The following ENY2 variants were observed in gnomAD, a reference collection of about 807,000 sequenced individuals.
ENY2 encodes ENY2 transcription and export complex 2 subunit.
In ENY2, 4 loss-of-function variants were observed where a neutral mutation model predicts 15.9. The observed-to-expected ratio is 0.25, with a 90% CI of 0.12 to 0.57. ENY2 has a LOEUF of 0.57. Ranked by LOEUF, ENY2 falls within the 20% of genes least tolerant of loss-of-function variation. The probability of loss-of-function intolerance (pLI) is 0.91; values close to 1 mark genes in which losing one functional copy is unlikely to be tolerated. For synonymous variants in ENY2, 48 were observed against 38.0 expected, an observed-to-expected ratio of 1.26 and a Z score of -0.97; for missense variants, 54 against 117.2, an observed-to-expected ratio of 0.46 and a Z score of 2.49.
chr8:109,342,164 CTTT>C (rs66571830), intron 4 of ENY2, among the ~76,000 whole-genome samples: 10 of 130,956 alleles, frequency 7.6e-5, no homozygotes, highest in Admixed American at 7.6e-5. Context: ...TAACCCCCCC[CTTT>C]TTTTTTTTTT....
intron 4 of ENY2, chr8:109,342,603 G>T: frequency 1.5e-6 from 1 of 645,402 alleles, no homozygotes; most frequent in East Asian, 3.0e-5. Flanking sequence ...GATCTCCCAG[G>T]CTTAAGTGAT....
chr8:109,334,949 G>GA (rs145337830), intron 1 of ENY2: 75 of 146,866 alleles, frequency 5.1e-4, no homozygotes, highest in South Asian at 1.1e-3. Flanking sequence ...TCTCAAAAAA[G>GA]AAAAAAAAAA....
chr8:109,344,367 C>T lies in ENY2; in HGVS notation c.*886C>T, dbSNP rs1196814575. On this transcript the variant is annotated 3_prime_UTR_variant, in exon 5 of 5. Coordinates refer to ENST00000521688, the MANE Select transcript of ENY2 (RefSeq NM_020189.6). Reference sequence around the variant, plus strand: ...GGGCTCCCTCCAGGGCCCTCTGCCTCACTAACTGGATATACTTTTCCTGAG... The same window carrying T: ...GGGCTCCCTCCAGGGCCCTCTGCCTTACTAACTGGATATACTTTTCCTGAG... The T allele has an allele frequency of 1.3e-5, 2 of 152,176 alleles. No homozygotes were observed. The highest frequency in any genetic ancestry group is 2.9e-5 in the Non-Finnish European group (2 of 68,036). The allele number at this position is 152,176 out of a possible 1,614,324, so 9.4% of individuals were successfully genotyped here. A position where few individuals can be genotyped will look rare whatever the true frequency, so the allele number is the denominator to read the frequency against.
chr8:109,342,703 C>T (rs1473593245), intron 4 of ENY2: 3 of 697,758 alleles, frequency 4.3e-6, no homozygotes, highest in Non-Finnish European at 7.8e-6. Flanking sequence ...CAGGTTTCGC[C>T]ATGTTGCCCA....
At chr8:109,340,797 T>C (rs1816094939) in intron 4 of ENY2, 1 of 427,466 alleles carries the variant, frequency 2.3e-6, no homozygotes, top group African/African-American at 2.0e-5. Context: ...GTTGATACAG[T>C]TGTTCAAGCA....
chr8:109,339,723 T>G (rs1586328254), intron 3 of ENY2: 1 of 209,996 alleles, frequency 4.8e-6, no homozygotes. Flanking sequence ...CTCTTTCCTG[T>G]CTTTAACAGT....
intron 4 of ENY2, 78 bp downstream of exon 4, chr8:109,340,641 C>G: frequency 1.3e-6 from 2 of 1,571,196 alleles, no homozygotes; most frequent in Non-Finnish European, 1.7e-6. Context: ...TTCAGATTTT[C>G]TTTCTGTTTT....
At position 109,345,519 on chromosome 8, in the gene ENY2, A is replaced by G. The variant is rs1026779703; in HGVS notation, c.*2038A>G. 6.6e-5 allele frequency: 10 copies of G among 152,172 alleles called. No homozygotes were observed. The highest frequency in any genetic ancestry group is 5.9e-4 in the Admixed American group (9 of 15,272). The allele number at this position is 152,172 out of a possible 1,614,324, so 9.4% of individuals were successfully genotyped here. Reference sequence around the variant, plus strand: ...ACACAATCACAAAACCTACCCAAACAAGTTTTTTGTTTCACTTCATCTCTT... The same window carrying G: ...ACACAATCACAAAACCTACCCAAACGAGTTTTTTGTTTCACTTCATCTCTT... On this transcript the variant is annotated 3_prime_UTR_variant, in exon 5 of 5. Coordinates refer to ENST00000521688, the MANE Select transcript of ENY2 (RefSeq NM_020189.6).
intron 2 of ENY2, 154 bp downstream of exon 2, chr8:109,336,358 TTTG>T: frequency 1.4e-6 from 1 of 700,160 alleles, no homozygotes; most frequent in South Asian, 2.0e-5. Context: ...ATAATTTAGG[TTTG>T]TTAAGTATTG....
chr8:109,338,425 C>A (rs1240619058), intron 2 of ENY2: 1 of 152,106 alleles, frequency 6.6e-6, no homozygotes, highest in Non-Finnish European at 1.5e-5. Context: ...AGAAGAAGAA[C>A]AAACAGGATG....
intron 2 of ENY2, among the ~76,000 whole-genome samples, chr8:109,338,069 C>G (rs1267085237): frequency 2.0e-5 from 3 of 151,982 alleles, no homozygotes; most frequent in Non-Finnish European, 4.4e-5. Context: ...GAAGGCAGAT[C>G]ATGAAGGATC....
At chr8:109,343,379 C>G (rs757362420) in intron 4 of ENY2, 26 bp from the exon 5 acceptor site, 37 of 1,585,260 alleles carry the variant, frequency 2.3e-5, no homozygotes, top group Non-Finnish European at 2.6e-6. Context: ...CCTTCTTACT[C>G]TTATTTTTTT....
chr8:109,336,249 A>T (rs1586325160), intron 2 of ENY2, 45 bp downstream of exon 2: 1 of 1,458,688 alleles, frequency 6.9e-7, no homozygotes, highest in South Asian at 1.2e-5. Context: ...ACCGCCTTTA[A>T]TAGTTAGCTT....
chr8:109,340,491 G>T lies in ENY2; in HGVS notation c.157G>T (p.Val53Leu), dbSNP rs767032513. The change falls in exon 4 of 5, where the codon GTA becomes TTA. Residue 53 changes from valine (V) to leucine (L), a missense_variant and splice_region_variant. Transcript: ENST00000521688. ...TTTGTTTTTTGCTTTTGCATAAGAG[G>T]TAATTAAAGAAAAAGGACTAGAACA... ...KDQLKAHCKE[V>L]IKEKGLEHVT... 1 of 1,612,586 alleles carries T rather than the reference G, an allele frequency of 6.2e-7. No individual in the cohort carries two copies. Among genetic ancestry groups the T allele is most frequent in the Non-Finnish European group, 8.5e-7 (1 of 1,178,968 alleles).
rs1816226316 is a variant in ENY2, at chr8:109,345,534, C to T, written c.*2053C>T. The T allele has an allele frequency of 6.6e-6, 1 of 152,142 alleles. No individual in the cohort carries two copies. Among genetic ancestry groups the T allele is most frequent in the Non-Finnish European group, 1.5e-5 (1 of 68,020 alleles). 9.4% of individuals were successfully genotyped at this position (152,142 alleles called of 1,614,324 possible). On this transcript the variant is annotated 3_prime_UTR_variant, in exon 5 of 5. Transcript: ENST00000521688. ...CTACCCAAACAAGTTTTTTGTTTCA[C>T]TTCATCTCTTATAAAACAATGTTCT... is the stretch of plus-strand genomic sequence containing the variant.
intron 1 of ENY2, 63 bp downstream of exon 1, chr8:109,334,537 A>G (rs1815909303): frequency 3.2e-6 from 5 of 1,571,400 alleles, no homozygotes; most frequent in Non-Finnish European, 4.3e-6. Context: ...CTTTCGATGT[A>G]CTGTCTTTCG....
chr8:109,337,730 C>A (rs923466122), intron 2 of ENY2, among the ~76,000 whole-genome samples: 1 of 152,078 alleles, frequency 6.6e-6, no homozygotes, highest in Non-Finnish European at 1.5e-5. Context: ...GGTGAAACCC[C>A]ATCTCTACTG....
intron 4 of ENY2, among the ~76,000 whole-genome samples, chr8:109,341,142 A>G (rs1275733453): frequency 6.6e-6 from 1 of 152,180 alleles, no homozygotes; most frequent in Non-Finnish European, 1.5e-5. Flanking sequence ...GATGATGTGT[A>G]GTAAATGTTG....
Position 109,340,510 on chromosome 8 carries a change from T to C in ENY2, c.176T>C (p.Leu59Pro), listed in dbSNP as rs1409619648. The change falls in exon 4 of 5, where the codon CTA (leucine) becomes CCA (proline). Residue 59 changes from leucine (L) to proline (P), a missense_variant. Coordinates refer to ENST00000521688, the MANE Select transcript of ENY2 (RefSeq NM_020189.6). ...TAAGAGGTAATTAAAGAAAAAGGAC[T>C]AGAACACGTTACTGTTGATGACTTG... Reference protein sequence around the residue: ...HCKEVIKEKGLEHVTVDDLVA... With the variant: ...HCKEVIKEKGPEHVTVDDLVA... 1 of 1,613,294 alleles carries C rather than the reference T, an allele frequency of 6.2e-7. No individual in the cohort carries two copies. Among genetic ancestry groups the C allele is most frequent in the Non-Finnish European group, 8.5e-7 (1 of 1,179,472 alleles).
Sources: allele counts gnomAD v4.1 joint callset (sites outside exome capture counted in the v4.1 genomes callset), GRCh38; gene constraint gnomAD v4.1.1; transcripts MANE v1.5; gene names NCBI Gene and HGNC (gene_info 2026-07-23, HGNC 2026-07-21).